The following CD96 variants were observed in gnomAD, a reference collection of about 807,000 sequenced individuals.
CD96 encodes the protein T-cell surface protein tactile.
Under a neutral mutation model 71.3 loss-of-function variants are expected in CD96, and 70 were observed. That is an observed-to-expected ratio of 0.98 (90% CI 0.81 to 1.20). The LOEUF (loss-of-function observed/expected upper bound fraction) is 1.20. Ranked by LOEUF, CD96 falls within the 50% of genes most tolerant of loss-of-function variation. The probability of loss-of-function intolerance (pLI) is 0.00; values close to 1 mark genes in which losing one functional copy is unlikely to be tolerated. For missense variants in CD96, 742 were observed against 677.5 expected (o/e 1.10, Z -1.06); for synonymous variants, 248 against 233.0 (o/e 1.06, Z -0.59).
At chr3:111,646,628 G>A (rs1230797305) in intron 12 of CD96, among the ~76,000 whole-genome samples, 1 of 151,484 alleles carries the variant, frequency 6.6e-6, no homozygotes, top group Non-Finnish European at 1.5e-5. Flanking sequence ...ATGTAAATTA[G>A]TTCAGCCATT....
intron 2 of CD96, among the ~76,000 whole-genome samples, chr3:111,555,460 T>A (rs143142833): frequency 6.6e-6 from 1 of 152,422 alleles, no homozygotes; most frequent in Non-Finnish European, 1.5e-5. Flanking sequence ...TTTTAAAGGA[T>A]AATTTCAATG....
downstream of CD96, among the ~76,000 whole-genome samples, chr3:111,655,446 G>C (rs1025830318): frequency 1.3e-5 from 2 of 152,092 alleles, no homozygotes; most frequent in Non-Finnish European, 2.9e-5. Context: ...TAAAAATTAA[G>C]TTATGCGCAA....
chr3:111,624,991 G>C (rs1559763633), intron 10 of CD96, among the ~76,000 whole-genome samples: 1 of 152,224 alleles, frequency 6.6e-6, no homozygotes, highest in Non-Finnish European at 1.5e-5. Flanking sequence ...TCAGTGTGGT[G>C]GGGAAGTGGT....
At chr3:111,574,316 A>G (rs536973868) in intron 3 of CD96, among the ~76,000 whole-genome samples, 1 of 152,310 alleles carries the variant, frequency 6.6e-6, no homozygotes, top group African/African-American at 2.4e-5. Flanking sequence ...CGCACACATG[A>G]TGCTCAAAAG....
chr3:111,593,899 A>G, intron 5 of CD96: 1 of 1,613,624 alleles, frequency 6.2e-7, no homozygotes. Context: ...TGCTTTTCAG[A>G]TGCTTCCACA....
At chr3:111,616,087 T>A (rs1198107033) in intron 8 of CD96, among the ~76,000 whole-genome samples, 11 of 152,158 alleles carry the variant, frequency 7.2e-5, no homozygotes, top group Admixed American at 6.5e-4. Flanking sequence ...CCTGTTCCCC[T>A]TTTTTGGCTG....
At chr3:111,563,146 G>A (rs1356922287) in intron 2 of CD96, among the ~76,000 whole-genome samples, 2 of 152,220 alleles carry the variant, frequency 1.3e-5, no homozygotes, top group African/African-American at 4.8e-5. Context: ...TGAAAGCTCT[G>A]TCCTATCACC....
intron 2 of CD96, among the ~76,000 whole-genome samples, chr3:111,546,827 C>T (rs1467720062): frequency 3.3e-5 from 5 of 151,658 alleles, no homozygotes; most frequent in Non-Finnish European, 1.5e-5. Flanking sequence ...CACCTATAGG[C>T]CAAGGTCCCA....
intron 8 of CD96, among the ~76,000 whole-genome samples, chr3:111,620,308 A>C (rs2107702566): frequency 6.6e-6 from 1 of 152,374 alleles, no homozygotes; most frequent in African/African-American, 2.4e-5. Flanking sequence ...ACAGTGCCTG[A>C]AATTTAGAGA....
chr3:111,646,143 C>G (rs758983036), intron 12 of CD96, among the ~76,000 whole-genome samples: 13 of 152,040 alleles, frequency 8.6e-5, no homozygotes, highest in African/African-American at 1.9e-4. Context: ...ATCGAAATAC[C>G]TAAAGACCTA....
intron 10 of CD96, among the ~76,000 whole-genome samples, chr3:111,633,063 T>C (rs1576415991): frequency 6.6e-6 from 1 of 152,230 alleles, no homozygotes; most frequent in African/African-American, 2.4e-5. Flanking sequence ...TCACTAAGCT[T>C]AATTATTTCT....
At chr3:111,599,628 G>A (rs1028268836) in intron 6 of CD96, among the ~76,000 whole-genome samples, 2 of 152,096 alleles carry the variant, frequency 1.3e-5, no homozygotes, top group African/African-American at 2.4e-5. Flanking sequence ...GGCTGAGGCA[G>A]GAGAATCGCT....
intron 2 of CD96, among the ~76,000 whole-genome samples, chr3:111,564,865 A>G (rs977625477): frequency 4.5e-4 from 69 of 152,076 alleles, no homozygotes; most frequent in African/African-American, 1.4e-3. Flanking sequence ...GTAATTTACC[A>G]TTGTACTTTC....
intron 10 of CD96, among the ~76,000 whole-genome samples, chr3:111,630,812 G>A (rs988409817): frequency 4.6e-5 from 7 of 152,156 alleles, no homozygotes; most frequent in African/African-American, 1.7e-4. Flanking sequence ...TATCCACCAT[G>A]ATCAAGTTGG....
chr3:111,559,318 C>A (rs1238187030), intron 2 of CD96, among the ~76,000 whole-genome samples: 1 of 105,012 alleles, frequency 9.5e-6, no homozygotes, highest in South Asian at 4.0e-4. Flanking sequence ...AATTTTGGAT[C>A]TTTCCTGCTT....
At chr3:111,660,529 A>ATGTC (rs1940330231) in intron 14 of CD96, among the ~76,000 whole-genome samples, 1 of 152,270 alleles carries the variant, frequency 6.6e-6, no homozygotes, top group African/African-American at 2.4e-5. Flanking sequence ...TCTAACATCT[A>ATGTC]TATGGAAGCA....
intron 8 of CD96, among the ~76,000 whole-genome samples, chr3:111,616,466 G>A (rs1030769946): frequency 1.3e-5 from 2 of 152,070 alleles, no homozygotes; most frequent in Non-Finnish European, 2.9e-5. Flanking sequence ...GGTGGGACAG[G>A]AAGAGAAGCT....
chr3:111,546,199 G>A (rs1576296256), intron 2 of CD96, among the ~76,000 whole-genome samples: 2 of 152,264 alleles, frequency 1.3e-5, no homozygotes, highest in African/African-American at 4.8e-5. Context: ...ATAAGACAAG[G>A]GCAGTATGAA....
chr3:111,590,135 A>G (rs2107616070), intron 5 of CD96, among the ~76,000 whole-genome samples: 1 of 152,294 alleles, frequency 6.6e-6, no homozygotes, highest in East Asian at 1.9e-4. Context: ...CAGAATACAG[A>G]CTGTGGGATC....
Sources: gnomAD v4.1 joint callset for allele counts (sites outside exome capture counted in the v4.1 genomes callset) on GRCh38, gnomAD v4.1.1 for gene constraint, MANE v1.5 for transcripts, NCBI Gene and HGNC (gene_info 2026-07-23, HGNC 2026-07-21) for gene names.